The following NXPE2 variants were observed in gnomAD, a reference collection of about 807,000 sequenced individuals.
NXPE2 encodes the protein neurexophilin and PC-esterase domain family member 2, also known as NXPE family member 2.
Under a neutral mutation model 34.4 loss-of-function variants are expected in NXPE2, and 34 were observed. The observed-to-expected ratio is 0.99, with a 90% CI of 0.75 to 1.31. The LOEUF (loss-of-function observed/expected upper bound fraction) is 1.31, where lower values mean the gene tolerates loss of function less well. NXPE2 is among the 40% of genes most tolerant of loss of function. The pLI, the probability that NXPE2 is intolerant of heterozygous loss-of-function variation, is 0.00. For missense variants in NXPE2, 649 were observed against 672.5 expected (o/e 0.97, Z 0.39); for synonymous variants, 235 against 231.3 (o/e 1.02, Z -0.15).
the NXPE2 span, among the ~76,000 whole-genome samples, chr11:114,771,840 A>G: frequency 1.3e-5 from 2 of 152,248 alleles, no homozygotes; most frequent in Admixed American, 6.5e-5. Context: ...TTCAGTCCCC[A>G]AAGGTCCTTA....
At chr11:114,474,428 G>T in the NXPE2 span, among the ~76,000 whole-genome samples, 1 of 152,206 alleles carries the variant, frequency 6.6e-6, no homozygotes, top group Non-Finnish European at 1.5e-5. Flanking sequence ...GATCCTGTAG[G>T]ATTAGCCTAT....
chr11:114,530,294 G>C, the NXPE2 span: 4 of 1,614,220 alleles, frequency 2.5e-6, no homozygotes, highest in Non-Finnish European at 3.4e-6. Flanking sequence ...AGGCTTCTTG[G>C]TCTCTGTCAT....
At chr11:114,765,752 T>A in the NXPE2 span, among the ~76,000 whole-genome samples, 1 of 152,174 alleles carries the variant, frequency 6.6e-6, no homozygotes, top group Non-Finnish European at 1.5e-5. Context: ...GAGATTACAC[T>A]TTATCTGTCT....
At chr11:114,601,907 T>G in the NXPE2 span, among the ~76,000 whole-genome samples, 15 of 38,320 alleles carry the variant, frequency 3.9e-4, no homozygotes, top group South Asian at 2.9e-3. Flanking sequence ...TTATATATAT[T>G]ATATAATTAT....
At chr11:114,552,776 A>G in the NXPE2 span, 1 of 561,402 alleles carries the variant, frequency 1.8e-6, no homozygotes, top group South Asian at 7.8e-5. Context: ...TTGCTATTGC[A>G]CTTTTATAAA....
chr11:114,812,142 C>T, the NXPE2 span, among the ~76,000 whole-genome samples: 1 of 152,198 alleles, frequency 6.6e-6, no homozygotes, highest in Non-Finnish European at 1.5e-5. Flanking sequence ...TTAAATTCCT[C>T]CTGCCCCAGG....
chr11:114,773,288 C>CCCCCCG, the NXPE2 span, among the ~76,000 whole-genome samples: 219 of 95,836 alleles, frequency 2.3e-3, 4 homozygotes, highest in South Asian at 0.015. Flanking sequence ...CACCCCCCCC[C>CCCCCCG]CACCCCATTC....
At chr11:114,640,516 C>A in the NXPE2 span, among the ~76,000 whole-genome samples, 1 of 151,752 alleles carries the variant, frequency 6.6e-6, no homozygotes, top group African/African-American at 2.4e-5. Context: ...AATTATAGTT[C>A]TTTGAGAAAC....
chr11:114,798,003 C>G, the NXPE2 span, among the ~76,000 whole-genome samples: 2 of 152,166 alleles, frequency 1.3e-5, no homozygotes, highest in Admixed American at 6.5e-5. Flanking sequence ...GAGAAACAAT[C>G]TAAACCGAAG....
At chr11:114,662,153 C>T in the NXPE2 span, among the ~76,000 whole-genome samples, 32 of 152,302 alleles carry the variant, frequency 2.1e-4, no homozygotes, top group African/African-American at 7.7e-4. Context: ...AAAAAGCAAT[C>T]TTGAATTGCC....
At chr11:114,802,924 G>A in the NXPE2 span, among the ~76,000 whole-genome samples, 2 of 152,084 alleles carry the variant, frequency 1.3e-5, no homozygotes, top group African/African-American at 4.8e-5. Context: ...GGAGAATTAG[G>A]AACCTTCTGC....
At chr11:114,669,736 T>G in the NXPE2 span, among the ~76,000 whole-genome samples, 3 of 151,964 alleles carry the variant, frequency 2.0e-5, no homozygotes, top group Non-Finnish European at 4.4e-5. Context: ...ACATATTTTT[T>G]CCAAGGGCAC....
At chr11:114,572,479 GA>G in the NXPE2 span, among the ~76,000 whole-genome samples, 1 of 152,058 alleles carries the variant, frequency 6.6e-6, no homozygotes, top group African/African-American at 2.4e-5. Flanking sequence ...TACAGAATAT[GA>G]AAGGAAAATT....
At chr11:114,624,668 T>A in the NXPE2 span, among the ~76,000 whole-genome samples, 2 of 152,116 alleles carry the variant, frequency 1.3e-5, no homozygotes, top group South Asian at 2.1e-4. Flanking sequence ...TAACCATGGT[T>A]ACCTGGTGGA....
chr11:114,468,082 G>T, the NXPE2 span, among the ~76,000 whole-genome samples: 1 of 150,130 alleles, frequency 6.7e-6, no homozygotes, highest in African/African-American at 2.5e-5. Flanking sequence ...AAGAAGAATT[G>T]TCTTGGGCCA....
the NXPE2 span, among the ~76,000 whole-genome samples, chr11:114,713,979 G>A: frequency 6.6e-6 from 1 of 152,204 alleles, no homozygotes; most frequent in Non-Finnish European, 1.5e-5. Context: ...TGCCAGGAAT[G>A]TATTCTTGCT....
In NXPE2 at chr11:114,678,614, C is replaced by T. The variant is rs748912037; in HGVS notation, c.26+13C>T. 4 of 1,545,014 alleles carry T rather than the reference C, an allele frequency of 2.6e-6. No individual in the cohort carries two copies. Among genetic ancestry groups the T allele is most frequent in the South Asian group, 1.2e-5 (1 of 83,860 alleles). Reference sequence around the variant, plus strand: ...TACTCATCCATAGGTGTGGTACTTTCCAACTCTTACTGCCAAGCTAACGTC... The same window carrying T: ...TACTCATCCATAGGTGTGGTACTTTTCAACTCTTACTGCCAAGCTAACGTC... On this transcript the variant is annotated intron_variant, in intron 1 of 5. Transcript: ENST00000389586.
chr11:114,651,954 G>A, the NXPE2 span, among the ~76,000 whole-genome samples: 1 of 152,214 alleles, frequency 6.6e-6, no homozygotes, highest in Non-Finnish European at 1.5e-5. Context: ...TTAGGGTGCT[G>A]TTAGGTTCAC....
the NXPE2 span, among the ~76,000 whole-genome samples, chr11:114,668,319 G>A: frequency 6.6e-6 from 1 of 151,706 alleles, no homozygotes; most frequent in African/African-American, 2.4e-5. Flanking sequence ...TTCTGCTAGT[G>A]AACAGGCTAA....
Sources: gnomAD v4.1 joint callset for allele counts (sites outside exome capture counted in the v4.1 genomes callset) on GRCh38, gnomAD v4.1.1 for gene constraint, MANE v1.5 for transcripts, NCBI Gene and HGNC (gene_info 2026-07-23, HGNC 2026-07-21) for gene names.